Variants in POLQ observed in about 807,000 individuals in gnomAD.
POLQ encodes DNA polymerase theta, also known as epididymis secretory sperm binding protein.
In POLQ, 233 loss-of-function variants were observed where a neutral mutation model predicts 259.2. The ratio of observed to expected loss-of-function variants is 0.90; its 90% CI spans 0.81 to 1.00. The LOEUF is 1.00. POLQ is among the 50% of genes least tolerant of loss of function. The pLI is 0.00. For synonymous variants in POLQ, 1,025 were observed against 1,048.8 expected (o/e 0.98, Z 0.44); for missense variants, 2,871 against 3,051.6 (o/e 0.94, Z 1.39).
chr3:121,520,336 G>A (rs2048329164), intron 8 of POLQ, among the ~76,000 whole-genome samples: 1 of 152,094 alleles, frequency 6.6e-6, no homozygotes, highest in South Asian at 2.1e-4. Context: ...AGGAGTTCGA[G>A]ACCAGCCTGG....
chr3:121,518,830 C>T (rs1351335220), intron 9 of POLQ, among the ~76,000 whole-genome samples: 2 of 151,698 alleles, frequency 1.3e-5, no homozygotes, highest in East Asian at 1.9e-4. Context: ...ACAATTATGT[C>T]CTAGAGTAGA....
Position 121,436,178 on chromosome 3 carries a change from T to G in POLQ, c.7487A>C (p.His2496Pro). 2 of 1,613,896 alleles carry G rather than the reference T, an allele frequency of 1.2e-6. No homozygotes were observed. Among genetic ancestry groups the G allele is most frequent in the Non-Finnish European group, 1.7e-6 (2 of 1,179,804 alleles). ...ATGACCATGGGATTTGAAGGTTGAG[T>G]GGAAGGTCTCTAATTGCTTCTGAAT... The part of the protein sequence containing the change: ...VNIQKQLETF[H>P]STFKSHGHRE... Residue 2496 changes from histidine to proline, a missense_variant, in exon 28 of 30, where the codon CAC becomes CCC. Around this residue, in one of 3 missense-constraint regions of POLQ, gnomAD observed 2,080 missense variants for 2,126.0 expected, o/e 0.98. Coordinates refer to ENST00000264233, the MANE Select transcript of POLQ (RefSeq NM_199420.4).
intron 15 of POLQ, among the ~76,000 whole-genome samples, chr3:121,492,498 TA>T (rs762441930): frequency 2.0e-4 from 30 of 152,216 alleles, no homozygotes; most frequent in Non-Finnish European, 4.0e-4. Context: ...GAATGTATTT[TA>T]AAATGCTCTT....
intron 7 of POLQ, among the ~76,000 whole-genome samples, chr3:121,526,919 C>T (rs1443614330): frequency 2.0e-5 from 3 of 151,810 alleles, no homozygotes; most frequent in Admixed American, 1.3e-4. Flanking sequence ...GCATCTGTGG[C>T]GACAGGATCT....
intron 7 of POLQ, among the ~76,000 whole-genome samples, chr3:121,523,184 A>AT (rs751930004): frequency 0.019 from 2,778 of 142,844 alleles, 70 homozygotes; most frequent in African/African-American, 0.063. Context: ...CCCAGCTAGC[A>AT]TTTTTTTTTT....
intron 11 of POLQ, 66 bp from the exon 12 acceptor site, chr3:121,509,769 A>T: frequency 6.8e-7 from 1 of 1,469,628 alleles, no homozygotes. Flanking sequence ...ACAAAATACT[A>T]TCTTTCTGTT....
chr3:121,487,299 T>C lies in POLQ; in HGVS notation c.5629+3A>G, dbSNP rs2108797091. The C allele has an allele frequency of 6.6e-7, 1 of 1,517,938 alleles. No homozygotes were observed. The highest frequency in any genetic ancestry group is 2.3e-5 in the East Asian group (1 of 44,028). The allele number at this position is 1,517,938 out of a possible 1,614,324, so 94.0% of individuals were successfully genotyped here. Reference sequence around the variant, plus strand: ...GAAAAAATAAAATTAAAAAAATTCTTACCTTGCTTAAACCTACTGCCAATA... The same window carrying C: ...GAAAAAATAAAATTAAAAAAATTCTCACCTTGCTTAAACCTACTGCCAATA... On this transcript the variant is annotated splice_donor_region_variant and intron_variant, in intron 16 of 29. Transcript: ENST00000264233.
At chr3:121,497,471 G>A (rs1287177738) in intron 13 of POLQ, among the ~76,000 whole-genome samples, 2 of 151,820 alleles carry the variant, frequency 1.3e-5, no homozygotes, top group Admixed American at 6.6e-5. Flanking sequence ...GAGTCTCACT[G>A]TGTTGCCCAG....
chr3:121,544,995 T>C (rs1383364258), intron 1 of POLQ, 89 bp from the exon 2 acceptor site: 2 of 749,356 alleles, frequency 2.7e-6, no homozygotes, highest in East Asian at 2.7e-5. Context: ...GGAATTCCTA[T>C]GTGTTGAAAT....
At chr3:121,532,861 T>G in intron 6 of POLQ, 129 bp downstream of exon 6, 2 of 636,698 alleles carry the variant, frequency 3.1e-6, no homozygotes, top group East Asian at 2.8e-5. Flanking sequence ...AGGAAACCAG[T>G]TAGCTTAATA....
Position 121,455,560 on chromosome 3 carries a change from C to T in POLQ, c.7152+4490G>A, listed in dbSNP as rs1166877382. On this transcript the variant is annotated intron_variant, in intron 25 of 29. Transcript: ENST00000264233. ...AAAAGGATAAAGGGGATATCACCAC[C>T]GATCCCACAGAAATACAAACTACCA... is the stretch of plus-strand genomic sequence containing the variant. Among the ~76,000 whole-genome samples the T allele has an allele frequency of 1.3e-4, 20 of 151,822 alleles. No individual in the cohort carries two copies. The South Asian group carries it at 4.0e-3, about 30-fold the overall frequency.
At chr3:121,477,129 C>T (rs1433683910) in intron 19 of POLQ, among the ~76,000 whole-genome samples, 1 of 152,146 alleles carries the variant, frequency 6.6e-6, no homozygotes, top group East Asian at 1.9e-4. Flanking sequence ...TAGGACACTC[C>T]ATACCTGACT....
chr3:121,446,636 C>T (rs1407372929), intron 26 of POLQ, among the ~76,000 whole-genome samples: 2 of 151,948 alleles, frequency 1.3e-5, no homozygotes, highest in Admixed American at 1.3e-4. Context: ...TATTACAATT[C>T]TTATATTCTC....
intron 8 of POLQ, chr3:121,521,755 G>A (rs1416381984): frequency 1.5e-5 from 3 of 203,222 alleles, no homozygotes; most frequent in African/African-American, 6.9e-5. Flanking sequence ...ATTTTTAGTA[G>A]AGATGGGGTT....
At chr3:121,468,475 C>T in intron 22 of POLQ, 44 bp from the exon 23 acceptor site, 1 of 1,450,984 alleles carries the variant, frequency 6.9e-7, no homozygotes, top group Non-Finnish European at 9.6e-7. Flanking sequence ...GAAAAAAAAT[C>T]TAGTATTTGT....
Position 121,436,146 on chromosome 3 carries a change from C to G in POLQ, c.7519G>C (p.Gly2507Arg). ...CCTGTTTGGTCACTTTGGAGCATACCCTCTCGATGACCATGGGATTTGAAG... is the reference window on the plus strand; with the variant it reads ...CCTGTTTGGTCACTTTGGAGCATACGCTCTCGATGACCATGGGATTTGAAG... ...STFKSHGHRE[G>R]MLQSDQTGLS... is the part of the protein sequence containing the mutation. The change falls in exon 28 of 30, where the codon GGT becomes CGT. Residue 2507 changes from glycine (G) to arginine (R), a missense_variant. Physicochemically the swap from Gly to Arg is moderately radical, Grantham distance 125 (BLOSUM62 -2). Transcript: ENST00000264233. The G allele has an allele frequency of 6.2e-7, 1 of 1,613,778 alleles. No individual in the cohort carries two copies. The highest frequency in any genetic ancestry group is 8.5e-7 in the Non-Finnish European group (1 of 1,179,728).
Position 121,518,495 on chromosome 3 carries a change from A to G in POLQ, c.1468+1376T>C, listed in dbSNP as rs892934851. ...AGATTCAAATTTTTCGCAGATCTGCATATGTCCACAAAAGCCCCAGAGGTA... is the reference window on the plus strand; with the variant it reads ...AGATTCAAATTTTTCGCAGATCTGCGTATGTCCACAAAAGCCCCAGAGGTA... On this transcript the variant is annotated intron_variant, in intron 9 of 29. Coordinates refer to ENST00000264233, the MANE Select transcript of POLQ (RefSeq NM_199420.4). Among the ~76,000 whole-genome samples the G allele has an allele frequency of 2.6e-5, 4 of 152,328 alleles. No individual in the cohort carries two copies. In the East Asian group the frequency reaches 5.8e-4, roughly 22 times the overall value.
At chr3:121,486,966 A>T (rs1303074706) in intron 16 of POLQ, among the ~76,000 whole-genome samples, 1 of 152,116 alleles carries the variant, frequency 6.6e-6, no homozygotes, top group Non-Finnish European at 1.5e-5. Context: ...AAAAGAATTC[A>T]TGAGCACTGG....
intron 15 of POLQ, among the ~76,000 whole-genome samples, chr3:121,493,086 G>A (rs2048082015): frequency 6.6e-6 from 1 of 152,128 alleles, no homozygotes; most frequent in Non-Finnish European, 1.5e-5. Context: ...GGGATTGGCT[G>A]AGGTCAGGAG....
Sources: allele counts gnomAD v4.1 joint callset (sites outside exome capture counted in the v4.1 genomes callset), GRCh38; gene constraint gnomAD v4.1.1; regional missense constraint gnomAD v4.1.1; transcripts MANE v1.5; gene names NCBI Gene and HGNC (gene_info 2026-07-23, HGNC 2026-07-21).